ASTN2: variants seen among roughly 807,000 people sequenced by gnomAD.
ASTN2 encodes the protein astrotactin-2.
A neutral mutation model predicts 139.8 loss-of-function variants in ASTN2; 54 were observed. The ratio of observed to expected loss-of-function variants is 0.39; its 90% CI spans 0.31 to 0.48. The LOEUF is 0.48. Among genes scored for constraint, ASTN2 ranks in the 20% least tolerant of loss-of-function variants. ASTN2 has a pLI of 0.95. For synonymous variants in ASTN2, 756 were observed against 719.5 expected (o/e 1.05, Z -0.81); for missense variants, 1,565 against 1,725.1 (o/e 0.91, Z 1.64).
At chr9:116,465,248 T>C (rs1471633667) in intron 20 of ASTN2, among the ~76,000 whole-genome samples, 2 of 152,158 alleles carry the variant, frequency 1.3e-5, no homozygotes, top group East Asian at 1.9e-4. Flanking sequence ...GCAGCCTTTG[T>C]CTAATATCTC....
chr9:116,897,134 C>A (rs186705578), intron 10 of ASTN2, among the ~76,000 whole-genome samples: 39 of 152,312 alleles, frequency 2.6e-4, no homozygotes, highest in African/African-American at 7.7e-4. Flanking sequence ...AAAAAAATAA[C>A]CTCAGGCAGA....
chr9:116,841,385 G>A (rs1832253896), intron 11 of ASTN2, among the ~76,000 whole-genome samples: 1 of 151,844 alleles, frequency 6.6e-6, no homozygotes, highest in Non-Finnish European at 1.5e-5. Context: ...GGGAGAGGGA[G>A]AGGGAGAGGA....
At chr9:116,678,268 T>C (rs1008670388) in intron 16 of ASTN2, among the ~76,000 whole-genome samples, 1 of 152,188 alleles carries the variant, frequency 6.6e-6, no homozygotes, top group African/African-American at 2.4e-5. Flanking sequence ...TGGGGACAAA[T>C]GGAGAGCCAT....
intron 5 of ASTN2, among the ~76,000 whole-genome samples, chr9:117,057,356 T>A (rs1839092372): frequency 6.6e-6 from 1 of 152,154 alleles, no homozygotes; most frequent in Admixed American, 6.5e-5. Flanking sequence ...CAAGGCATCA[T>A]TAAGGTAGAG....
intron 15 of ASTN2, among the ~76,000 whole-genome samples, chr9:116,727,971 C>T (rs1828676113): frequency 6.6e-6 from 1 of 152,142 alleles, no homozygotes; most frequent in South Asian, 2.1e-4. Context: ...CTTCATTTTG[C>T]TGATGAACAA....
chr9:117,154,028 A>T (rs915195508), intron 3 of ASTN2, among the ~76,000 whole-genome samples: 1 of 152,044 alleles, frequency 6.6e-6, no homozygotes, highest in Non-Finnish European at 1.5e-5. Flanking sequence ...CAACTGTCAG[A>T]TTTTCCACCC....
At chr9:116,632,158 C>CAGAGAG (rs1203553131) in intron 17 of ASTN2, among the ~76,000 whole-genome samples, 3 of 38,102 alleles carry the variant, frequency 7.9e-5, no homozygotes, top group Non-Finnish European at 1.5e-4. Flanking sequence ...GAGAGAGAGA[C>CAGAGAG]AGAGAGAGAG....
intron 3 of ASTN2, among the ~76,000 whole-genome samples, chr9:117,146,734 C>T (rs1003313685): frequency 2.0e-5 from 3 of 152,000 alleles, no homozygotes; most frequent in African/African-American, 7.3e-5. Flanking sequence ...ACCAAAATCC[C>T]ACAGATTACC....
intron 19 of ASTN2, among the ~76,000 whole-genome samples, chr9:116,501,298 T>A (rs1337658756): frequency 6.6e-6 from 1 of 152,222 alleles, no homozygotes; most frequent in South Asian, 2.1e-4. Flanking sequence ...CATGAACTCA[T>A]CCTTTTTTAT....
intron 2 of ASTN2, among the ~76,000 whole-genome samples, chr9:117,274,006 T>C (rs1262678384): frequency 6.6e-6 from 1 of 152,138 alleles, no homozygotes; most frequent in African/African-American, 2.4e-5. Flanking sequence ...ACCCTAATTG[T>C]TATCTCCCAT....
intron 19 of ASTN2, among the ~76,000 whole-genome samples, chr9:116,577,808 T>G (rs924547425): frequency 7.2e-5 from 11 of 152,186 alleles, no homozygotes; most frequent in African/African-American, 2.7e-4. Context: ...TGATTTAAAT[T>G]ATCAATCCAA....
intron 20 of ASTN2, among the ~76,000 whole-genome samples, chr9:116,455,467 G>T (rs1848306198): frequency 6.6e-6 from 1 of 151,948 alleles, no homozygotes; most frequent in African/African-American, 2.4e-5. Context: ...TAAGTTGTAA[G>T]ATTATTAAAT....
At chr9:116,738,766 G>A (rs1829013576) in intron 13 of ASTN2, among the ~76,000 whole-genome samples, 1 of 152,176 alleles carries the variant, frequency 6.6e-6, no homozygotes, top group African/African-American at 2.4e-5. Flanking sequence ...AAGTGGCAGT[G>A]GCCAAGACCG....
chr9:116,457,153 CA>C (rs1298747459), intron 20 of ASTN2, among the ~76,000 whole-genome samples: 1 of 152,056 alleles, frequency 6.6e-6, no homozygotes. Context: ...ATCCATATAT[CA>C]AAGAAAGAAA....
At chr9:117,105,558 C>T (rs1829082474) in intron 4 of ASTN2, among the ~76,000 whole-genome samples, 1 of 152,170 alleles carries the variant, frequency 6.6e-6, no homozygotes. Context: ...ATCATTATGA[C>T]TCCCTGACTC....
At chr9:117,407,882 G>A (rs1045411052) in intron 1 of ASTN2, among the ~76,000 whole-genome samples, 2 of 152,160 alleles carry the variant, frequency 1.3e-5, no homozygotes, top group Non-Finnish European at 2.9e-5. Flanking sequence ...GTATGAGAAC[G>A]TGGGAGAGTA....
intron 7 of ASTN2, among the ~76,000 whole-genome samples, chr9:116,979,947 C>T (rs980012391): frequency 2.0e-5 from 3 of 152,112 alleles, no homozygotes; most frequent in Non-Finnish European, 2.9e-5. Context: ...TGTGCACTTA[C>T]CAGGCAAGTT....
intron 17 of ASTN2, among the ~76,000 whole-genome samples, chr9:116,632,205 A>AAAGAAAAAGAAAGAAAGAAAG (rs767242462): frequency 2.2e-5 from 1 of 45,306 alleles, no homozygotes; most frequent in Non-Finnish European, 3.8e-5. Context: ...AGAAAGAAAG[A>AAAGAAAAAGAAAGAAAGAAAG]AAAGAAAGAA....
chr9:117,338,780 C>CA (rs963336835), intron 1 of ASTN2, among the ~76,000 whole-genome samples: 1 of 150,874 alleles, frequency 6.6e-6, no homozygotes, highest in African/African-American at 2.4e-5. Flanking sequence ...TCTTTAATAG[C>CA]AAAAAAATGC....
Sources: allele counts gnomAD v4.1 joint callset (sites outside exome capture counted in the v4.1 genomes callset), GRCh38; gene constraint gnomAD v4.1.1; transcripts MANE v1.5; gene names NCBI Gene and HGNC (gene_info 2026-07-23, HGNC 2026-07-21).